The following ENO4 variants were observed in gnomAD, a reference collection of about 807,000 sequenced individuals.
The protein encoded by ENO4 is enolase 4.
A neutral mutation model predicts 63.2 loss-of-function variants in ENO4; 53 were observed. The ratio of observed to expected loss-of-function variants is 0.84; its 90% CI spans 0.67 to 1.05. ENO4 has a LOEUF of 1.05. ENO4 is among the 50% of genes least tolerant of loss of function. ENO4 has a pLI of 0.00. For synonymous variants in ENO4, 266 were observed against 283.8 expected, an observed-to-expected ratio of 0.94 and a Z score of 0.63; for missense variants, 719 against 772.0, an observed-to-expected ratio of 0.93 and a Z score of 0.81.
chr10:116,898,707 A>G (rs965293171), intron 10 of ENO4, among the ~76,000 whole-genome samples: 3 of 152,156 alleles, frequency 2.0e-5, no homozygotes, highest in Non-Finnish European at 1.5e-5. Context: ...CCAAGCCCTG[A>G]TTATCTTTTC....
chr10:116,907,521 C>G (rs905571143), intron 10 of ENO4, among the ~76,000 whole-genome samples: 2 of 152,166 alleles, frequency 1.3e-5, no homozygotes, highest in African/African-American at 4.8e-5. Context: ...TCTGGCTCTT[C>G]CGGGAAGTAT....
chr10:116,871,401 T>G (rs991460920), intron 9 of ENO4, 109 bp downstream of exon 9: 2 of 1,007,234 alleles, frequency 2.0e-6, no homozygotes, highest in African/African-American at 3.2e-5. Flanking sequence ...GATCTTATTG[T>G]TTTTTTATTA....
chr10:116,856,017 G>C (rs1482886519), intron 2 of ENO4, among the ~76,000 whole-genome samples: 1 of 152,092 alleles, frequency 6.6e-6, no homozygotes, highest in Admixed American at 6.5e-5. Flanking sequence ...TATAAACTCT[G>C]ACATTACTCA....
downstream of ENO4, chr10:116,884,314 A>C (rs1287250326): frequency 2.2e-6 from 1 of 452,146 alleles, no homozygotes; most frequent in Admixed American, 2.4e-5. Flanking sequence ...AAAGGGAAAA[A>C]CTGTAGGCAG....
At chr10:116,910,105 T>C (rs965345420) in intron 10 of ENO4, among the ~76,000 whole-genome samples, 1 of 152,070 alleles carries the variant, frequency 6.6e-6, no homozygotes, top group Non-Finnish European at 1.5e-5. Context: ...CTTTTTATCT[T>C]TCTTATAAGA....
Position 116,860,794 on chromosome 10 carries a change from G to A in ENO4, c.635G>A (p.Gly212Glu), listed in dbSNP as rs1846388175. 1 of 1,482,612 alleles carries A rather than the reference G, an allele frequency of 6.7e-7. No individual in the cohort carries two copies. The highest frequency in any genetic ancestry group is 1.4e-5 in the African/African-American group (1 of 71,522). 91.8% of individuals were successfully genotyped at this position (1,482,612 alleles called of 1,614,324 possible). A position where few individuals can be genotyped will look rare whatever the true frequency, so the allele number is the denominator to read the frequency against. Residue 212 changes from glycine to glutamate, a missense_variant and splice_region_variant, in exon 5 of 14, where the codon GGG becomes GAG. Gly to Glu is a moderately conservative substitution (Grantham distance 98). Coordinates refer to ENST00000341276, the MANE Select transcript of ENO4 (RefSeq NM_001242699.2). ...TTACTCTCAATATTTCTCCCTCCAG[G>A]GAGGAAGGATACTATTACAGAGAAA... is the stretch of plus-strand genomic sequence containing the variant. ...PPTKKKGQKPGRKDTITEKPI... is the reference protein window; with the variant it reads ...PPTKKKGQKPERKDTITEKPI...
chr10:116,889,313 G>A (rs1372858217), intron 10 of ENO4, among the ~76,000 whole-genome samples: 1 of 152,210 alleles, frequency 6.6e-6, no homozygotes, highest in East Asian at 1.9e-4. Context: ...TCCTGGAATT[G>A]TCTCAGTCCA....
In ENO4 at chr10:116,861,152, G is replaced by A. The variant is rs968331175; in HGVS notation, c.898G>A (p.Val300Met). Reference protein sequence around the residue: ...SSGKLNLMKEVICIPHPELTT... With the variant: ...SSGKLNLMKEMICIPHPELTT... ...TGGGAAGCTAAATTTAATGAAAGAA[G>A]TGATTTGTATACCCCATCCTGAATT... The change falls in exon 6 of 14, where the codon GTG (valine) becomes ATG (methionine). Residue 300 changes from valine (V) to methionine (M), a missense_variant. Transcript: ENST00000341276. 3.2e-6 allele frequency: 5 copies of A among 1,543,288 alleles called. No homozygotes were observed. In the African/African-American group the frequency reaches 6.9e-5, roughly 21 times the overall value.
chr10:116,879,741 G>T, intron 12 of ENO4, 128 bp from the exon 13 acceptor site: 2 of 727,816 alleles, frequency 2.7e-6, no homozygotes, highest in Non-Finnish European at 4.5e-6. Flanking sequence ...CTTACATAAA[G>T]ATAAAAAACT....
intron 10 of ENO4, among the ~76,000 whole-genome samples, chr10:116,896,646 G>A (rs549808746): frequency 5.9e-5 from 9 of 152,232 alleles, no homozygotes; most frequent in East Asian, 5.8e-4. Context: ...AATGGGTCAC[G>A]TCATCTTTTG....
chr10:116,901,332 A>C (rs1847726648), intron 10 of ENO4: 1 of 985,214 alleles, frequency 1.0e-6, no homozygotes, highest in Non-Finnish European at 1.2e-6. Flanking sequence ...TATTAGGCAC[A>C]TCTTTAACTG....
At chr10:116,900,137 G>A (rs1847679767) in intron 10 of ENO4, among the ~76,000 whole-genome samples, 1 of 152,182 alleles carries the variant, frequency 6.6e-6, no homozygotes, top group South Asian at 2.1e-4. Flanking sequence ...GTAAATTACT[G>A]TCAATATGAA....
intron 10 of ENO4, among the ~76,000 whole-genome samples, chr10:116,888,463 A>G (rs756302494): frequency 6.6e-6 from 1 of 152,180 alleles, no homozygotes; most frequent in Non-Finnish European, 1.5e-5. Flanking sequence ...TGCGTCTGAC[A>G]CTGGGCCTGC....
At chr10:116,879,096 C>T (rs1222860291) in intron 11 of ENO4, among the ~76,000 whole-genome samples, 195 bp from the exon 12 acceptor site, 2 of 152,040 alleles carry the variant, frequency 1.3e-5, no homozygotes, top group Non-Finnish European at 2.9e-5. Context: ...TTTACAGCAT[C>T]TAAGCTACTG....
chr10:116,889,775 G>A (rs1206320839), intron 10 of ENO4, among the ~76,000 whole-genome samples: 2 of 152,118 alleles, frequency 1.3e-5, no homozygotes, highest in East Asian at 1.9e-4. Context: ...CATTCTTTCC[G>A]AATCCGTTTC....
chr10:116,878,867 G>C (rs989822588), intron 11 of ENO4, among the ~76,000 whole-genome samples: 9 of 148,702 alleles, frequency 6.1e-5, no homozygotes, highest in South Asian at 2.2e-4. Flanking sequence ...CCTCAGCCTC[G>C]CGAGTAGCTG....
intron 7 of ENO4, among the ~76,000 whole-genome samples, chr10:116,863,611 C>T (rs1308539462): frequency 6.6e-6 from 1 of 152,132 alleles, no homozygotes; most frequent in Non-Finnish European, 1.5e-5. Flanking sequence ...TTTTAAGCTG[C>T]ATGATTAGGA....
At chr10:116,907,592 A>AGTG (rs1185559612) in intron 10 of ENO4, among the ~76,000 whole-genome samples, 53 of 152,326 alleles carry the variant, frequency 3.5e-4, no homozygotes, top group African/African-American at 1.3e-3. Flanking sequence ...TGTACAGAAC[A>AGTG]CTGGGTGACG....
chr10:116,862,942 G>A, intron 7 of ENO4, 90 bp downstream of exon 7: 2 of 912,388 alleles, frequency 2.2e-6, no homozygotes, highest in Admixed American at 2.1e-5. Context: ...TAAATCAATT[G>A]TGGTTGATAT....
Sources: gnomAD v4.1 joint callset for allele counts (sites outside exome capture counted in the v4.1 genomes callset) on GRCh38, gnomAD v4.1.1 for gene constraint, MANE v1.5 for transcripts, NCBI Gene and HGNC (gene_info 2026-07-23, HGNC 2026-07-21) for gene names.